The following BNC2 variants were observed in gnomAD, a reference collection of about 807,000 sequenced individuals.
BNC2 encodes the protein basonuclin zinc finger protein 2, also known as zinc finger protein basonuclin-2.
Under a neutral mutation model 76.3 loss-of-function variants are expected in BNC2, and 20 were observed. The observed-to-expected ratio is 0.26, with a 90% CI of 0.18 to 0.38. The LOEUF (loss-of-function observed/expected upper bound fraction) is 0.38. Ranked by LOEUF, BNC2 falls within the 10% of genes least tolerant of loss-of-function variation. BNC2 has a pLI of 1.00. For synonymous variants in BNC2, 582 were observed against 514.8 expected (o/e 1.13, Z -1.77); for missense variants, 1,382 against 1,399.8 (o/e 0.99, Z 0.20).
At chr9:16,833,798 A>AC (rs767340521) in intron 1 of BNC2, among the ~76,000 whole-genome samples, 7 of 152,124 alleles carry the variant, frequency 4.6e-5, no homozygotes, top group Non-Finnish European at 7.4e-5. Context: ...TCCTCATTTC[A>AC]TTTAGAGTAG....
intron 1 of BNC2, among the ~76,000 whole-genome samples, chr9:16,745,761 A>G (rs566906711): frequency 6.6e-6 from 1 of 152,336 alleles, no homozygotes; most frequent in African/African-American, 2.4e-5. Context: ...CCTAAACCCT[A>G]GATTGTTTAC....
At chr9:16,457,407 C>A (rs1051486363) in intron 5 of BNC2, among the ~76,000 whole-genome samples, 2 of 152,120 alleles carry the variant, frequency 1.3e-5, no homozygotes, top group African/African-American at 2.4e-5. Flanking sequence ...CATACGCACA[C>A]CTAAGACTCA....
intron 3 of BNC2, among the ~76,000 whole-genome samples, chr9:16,629,161 T>A (rs970865502): frequency 3.9e-5 from 6 of 152,244 alleles, no homozygotes; most frequent in African/African-American, 1.4e-4. Flanking sequence ...TTACCTTTTA[T>A]GTTTACTTTT....
chr9:16,575,553 A>G (rs1819459640), intron 4 of BNC2, among the ~76,000 whole-genome samples: 1 of 152,246 alleles, frequency 6.6e-6, no homozygotes, highest in South Asian at 2.1e-4. Context: ...ACAAATCAAA[A>G]GCTGCTCAGA....
intron 5 of BNC2, among the ~76,000 whole-genome samples, chr9:16,507,427 T>C (rs917000905): frequency 6.6e-6 from 1 of 151,950 alleles, no homozygotes; most frequent in Non-Finnish European, 1.5e-5. Flanking sequence ...ACCTAGCTCA[T>C]TTTTTTCCTT....
At chr9:16,787,479 G>C (rs7864554) in intron 1 of BNC2, among the ~76,000 whole-genome samples, 34,754 of 152,120 alleles carry the variant, frequency 0.23, 5,012 homozygotes, top group East Asian at 0.64. Context: ...CACTGGGCAA[G>C]TTACTTGACC....
chr9:16,410,236 G>T lies in BNC2; in HGVS notation c.*8753C>A, dbSNP rs544854550. On this transcript the variant is annotated 3_prime_UTR_variant, in exon 7 of 7. Transcript: ENST00000380672. Reference sequence around the variant, plus strand: ...CCCTCACCTTTGGGGAGGCAGAAAAGCAGCAAGGACTTCATGGAAGAAGCC... The same window carrying T: ...CCCTCACCTTTGGGGAGGCAGAAAATCAGCAAGGACTTCATGGAAGAAGCC... 6.6e-6 allele frequency: 1 copy of T among 152,368 alleles called. No individual in the cohort carries two copies. The highest frequency in any genetic ancestry group is 2.4e-5 in the African/African-American group (1 of 41,586). 9.4% of individuals were successfully genotyped at this position (152,368 alleles called of 1,614,324 possible).
chr9:16,794,445 G>C (rs1029608483), intron 1 of BNC2, among the ~76,000 whole-genome samples: 3 of 152,188 alleles, frequency 2.0e-5, no homozygotes, highest in Non-Finnish European at 4.4e-5. Flanking sequence ...CCTGGGAAGA[G>C]AGAGGTGGGA....
chr9:16,740,164 G>C (rs1824799935), intron 1 of BNC2, among the ~76,000 whole-genome samples: 1 of 152,198 alleles, frequency 6.6e-6, no homozygotes, highest in South Asian at 2.1e-4. Context: ...TAGGATGCTT[G>C]AGAGTTTTAA....
intron 1 of BNC2, among the ~76,000 whole-genome samples, chr9:16,795,962 T>G (rs1817635409): frequency 6.6e-6 from 1 of 152,128 alleles, no homozygotes; most frequent in African/African-American, 2.4e-5. Context: ...TAAAGAAACC[T>G]TGCAAAGGAG....
At chr9:16,521,100 TA>T (rs1817604542) in intron 5 of BNC2, among the ~76,000 whole-genome samples, 1 of 152,096 alleles carries the variant, frequency 6.6e-6, no homozygotes, top group Admixed American at 6.5e-5. Flanking sequence ...AAAAAAGTGA[TA>T]AAGAGACAGA....
intron 3 of BNC2, among the ~76,000 whole-genome samples, chr9:16,605,642 A>G (rs1234208377): frequency 1.3e-5 from 2 of 152,238 alleles, no homozygotes; most frequent in Non-Finnish European, 2.9e-5. Context: ...GAAAGAACTC[A>G]AAGTGACAAC....
intron 5 of BNC2, among the ~76,000 whole-genome samples, chr9:16,508,894 CA>C (rs1157964294): frequency 6.6e-6 from 1 of 150,926 alleles, no homozygotes; most frequent in Non-Finnish European, 1.5e-5. Flanking sequence ...ACAATTAGCT[CA>C]TTGTAACCTC....
At chr9:16,861,456 C>G (rs1043746812) in intron 1 of BNC2, among the ~76,000 whole-genome samples, 3 of 151,972 alleles carry the variant, frequency 2.0e-5, no homozygotes, top group Non-Finnish European at 4.4e-5. Context: ...AATATATAAA[C>G]AGCACTTAAA....
rs148013115 is a variant in BNC2 at position 16,837,365 on chromosome 9, G to A, written c.3+33281C>T. Among the ~76,000 whole-genome samples the A allele has an allele frequency of 6.2e-3, 950 of 152,186 alleles. 3 individuals are homozygous for A. The highest frequency in any genetic ancestry group is 0.023 in the South Asian group (113 of 4,816). ...CTAAAAATACAAAAATTAGCCGAGC[G>A]TGGTGGCAGGCGCCTGTAATCCCAG... On this transcript the variant is annotated intron_variant, in intron 1 of 6. Coordinates refer to ENST00000380672, the MANE Select transcript of BNC2 (RefSeq NM_017637.6).
At chr9:16,619,958 G>C (rs1820818719) in intron 3 of BNC2, among the ~76,000 whole-genome samples, 1 of 152,150 alleles carries the variant, frequency 6.6e-6, no homozygotes, top group African/African-American at 2.4e-5. Flanking sequence ...GGACATACAA[G>C]TCACAGAAAA....
chr9:16,691,255 A>T (rs1430170729), intron 3 of BNC2, among the ~76,000 whole-genome samples: 2 of 152,048 alleles, frequency 1.3e-5, no homozygotes, highest in African/African-American at 4.8e-5. Context: ...TTTCCATTGT[A>T]CTCCTTTTAC....
intron 3 of BNC2, among the ~76,000 whole-genome samples, chr9:16,678,226 G>A (rs1442690186): frequency 3.4e-5 from 5 of 147,320 alleles, no homozygotes; most frequent in Middle Eastern, 3.5e-3. Flanking sequence ...CAAATTTGCC[G>A]AAGTTCCAGA....
intron 1 of BNC2, among the ~76,000 whole-genome samples, chr9:16,863,698 A>G (rs1290432936): frequency 1.3e-5 from 2 of 152,230 alleles, no homozygotes. Flanking sequence ...CCGTTTCAAA[A>G]AAAACCTTAA....
Sources: allele counts gnomAD v4.1 joint callset (sites outside exome capture counted in the v4.1 genomes callset), GRCh38; gene constraint gnomAD v4.1.1; transcripts MANE v1.5; gene names NCBI Gene and HGNC (gene_info 2026-07-23, HGNC 2026-07-21).